Variants in DISP1 observed in about 807,000 individuals in gnomAD.
DISP1 encodes the protein protein dispatched homolog 1.
DISP1 carries 30 observed loss-of-function variants against 37.3 expected under a neutral mutation model. That is an observed-to-expected ratio of 0.80 (90% CI 0.60 to 1.09). The LOEUF is 1.09. Ranked by LOEUF, DISP1 falls within the 50% of genes least tolerant of loss-of-function variation. The pLI is 0.00. For synonymous variants in DISP1, 634 were observed against 690.2 expected (o/e 0.92, Z 1.28); for missense variants, 1,598 against 1,879.5 (o/e 0.85, Z 2.77).
At chr1:222,900,092 A>G (rs1317100206) in intron 1 of DISP1, among the ~76,000 whole-genome samples, 1 of 152,238 alleles carries the variant, frequency 6.6e-6, no homozygotes, top group Non-Finnish European at 1.5e-5. Flanking sequence ...CAAGTAAAAT[A>G]CAGGTAGTTT....
chr1:222,857,789 A>G (rs1201653384), intron 1 of DISP1, among the ~76,000 whole-genome samples: 1 of 152,228 alleles, frequency 6.6e-6, no homozygotes, highest in Admixed American at 6.5e-5. Flanking sequence ...GAGGACACAA[A>G]CAAATGGAAG....
chr1:222,876,659 G>T (rs1370667969), intron 1 of DISP1, among the ~76,000 whole-genome samples: 1 of 152,140 alleles, frequency 6.6e-6, no homozygotes, highest in Non-Finnish European at 1.5e-5. Context: ...CAGAATTATA[G>T]ATATCATCTA....
chr1:222,839,053 A>T (rs933463161), intron 1 of DISP1, among the ~76,000 whole-genome samples: 3 of 152,134 alleles, frequency 2.0e-5, no homozygotes, highest in Non-Finnish European at 2.9e-5. Context: ...TTAGTTGAAG[A>T]TCAGATTTAT....
chr1:222,987,179 C>G (rs551922399), intron 4 of DISP1, among the ~76,000 whole-genome samples: 1 of 152,200 alleles, frequency 6.6e-6, no homozygotes, highest in African/African-American at 2.4e-5. Context: ...CAACCATTGT[C>G]TGGATTTCAT....
In DISP1 at chr1:222,975,019, C is replaced by T. The variant is rs76067830; in HGVS notation, c.510-8061C>T. Among the ~76,000 whole-genome samples, 11 of 152,220 alleles carry T rather than the reference C, an allele frequency of 7.2e-5. No individual in the cohort carries two copies. In the East Asian group the frequency reaches 1.9e-3, roughly 27 times the overall value. ...TGACTTTTGAGGTTAAAATGTGCTA[C>T]TTACAGCACTTTTTTGCTTAAAAAT... On this transcript the variant is annotated intron_variant, in intron 3 of 8. Transcript: ENST00000675850.
intron 2 of DISP1, among the ~76,000 whole-genome samples, chr1:222,936,657 C>A (rs554256056): frequency 2.5e-3 from 93 of 37,416 alleles, no homozygotes; most frequent in African/African-American, 9.8e-3. Flanking sequence ...ATATATCTCT[C>A]ATATATATGA....
At chr1:222,992,793 C>G (rs574758345) in intron 7 of DISP1, among the ~76,000 whole-genome samples, 3 of 151,296 alleles carry the variant, frequency 2.0e-5, no homozygotes, top group Non-Finnish European at 4.4e-5. Flanking sequence ...TACTTAGCCG[C>G]GACAAAAGAT....
intron 1 of DISP1, among the ~76,000 whole-genome samples, chr1:222,830,750 A>G (rs1406614190): frequency 6.6e-6 from 1 of 152,204 alleles, no homozygotes; most frequent in Non-Finnish European, 1.5e-5. Context: ...GGTCTTCCCA[A>G]CACAGTCTCT....
intron 1 of DISP1, among the ~76,000 whole-genome samples, chr1:222,865,212 A>G (rs540415222): frequency 6.6e-6 from 1 of 152,222 alleles, no homozygotes; most frequent in South Asian, 2.1e-4. Flanking sequence ...TGTTAAATGT[A>G]TCATATGCAT....
chr1:222,873,090 G>C (rs568250921), intron 1 of DISP1, among the ~76,000 whole-genome samples: 1 of 152,134 alleles, frequency 6.6e-6, no homozygotes, highest in African/African-American at 2.4e-5. Context: ...AGTTTTGAGT[G>C]AGTTTCTTAA....
chr1:222,999,785 C>T (rs1025010336), intron 8 of DISP1, among the ~76,000 whole-genome samples: 2 of 152,148 alleles, frequency 1.3e-5, no homozygotes, highest in Non-Finnish European at 2.9e-5. Flanking sequence ...AGCGTGTTGG[C>T]ATCCAACTCA....
chr1:222,924,330 T>C (rs1255671903), intron 1 of DISP1, among the ~76,000 whole-genome samples: 1 of 152,172 alleles, frequency 6.6e-6, no homozygotes, highest in Non-Finnish European at 1.5e-5. Flanking sequence ...TCCAAATTCA[T>C]AAAAACTGAA....
chr1:222,850,957 CTG>C (rs1207762372), intron 1 of DISP1, among the ~76,000 whole-genome samples: 1 of 151,928 alleles, frequency 6.6e-6, no homozygotes, highest in African/African-American at 2.4e-5. Context: ...GCCTGTATCT[CTG>C]TATTTCTGCC....
intron 1 of DISP1, among the ~76,000 whole-genome samples, chr1:222,912,945 T>C (rs1672288124): frequency 6.6e-6 from 1 of 152,214 alleles, no homozygotes; most frequent in Non-Finnish European, 1.5e-5. Context: ...AGTTGCCATA[T>C]GCAGTGATGT....
chr1:222,917,948 AAGAATGCTGTCAGACCTCTGGGC>A (rs1672587773), intron 1 of DISP1, among the ~76,000 whole-genome samples: 1 of 152,250 alleles, frequency 6.6e-6, no homozygotes, highest in South Asian at 2.1e-4. Flanking sequence ...CATTTCAAAA[AAGAATGCTGTCAGACCTCTGGGC>A]AGAAGGGATC....
intron 1 of DISP1, among the ~76,000 whole-genome samples, chr1:222,846,081 T>A (rs946352606): frequency 6.6e-6 from 1 of 152,224 alleles, no homozygotes; most frequent in African/African-American, 2.4e-5. Context: ...GCTTTTTCAT[T>A]TAGGTCTATA....
chr1:222,921,037 C>G (rs1672781350), intron 1 of DISP1, among the ~76,000 whole-genome samples: 1 of 152,212 alleles, frequency 6.6e-6, no homozygotes, highest in South Asian at 2.1e-4. Flanking sequence ...GGGCCGGGCA[C>G]AGTGGCTCAC....
intron 1 of DISP1, among the ~76,000 whole-genome samples, chr1:222,816,083 A>G (rs1014425373): frequency 5.2e-5 from 5 of 96,994 alleles, no homozygotes; most frequent in Admixed American, 4.5e-4. Context: ...ATATATATAT[A>G]TATATATATA....
chr1:222,816,393 A>G (rs1462595141), intron 1 of DISP1, among the ~76,000 whole-genome samples: 1 of 152,178 alleles, frequency 6.6e-6, no homozygotes, highest in Non-Finnish European at 1.5e-5. Flanking sequence ...TTTTGCCACA[A>G]AGTGAGCAAG....
Sources: allele counts gnomAD v4.1 joint callset (sites outside exome capture counted in the v4.1 genomes callset), GRCh38; gene constraint gnomAD v4.1.1; transcripts MANE v1.5; gene names NCBI Gene and HGNC (gene_info 2026-07-23, HGNC 2026-07-21).